Variants in SPOCK3 observed in about 807,000 individuals in gnomAD.
SPOCK3 encodes the protein testican-3.
In SPOCK3, 30 loss-of-function variants were observed where a neutral mutation model predicts 56.6. The ratio of observed to expected loss-of-function variants is 0.53; its 90% confidence interval spans 0.40 to 0.72. The LOEUF (loss-of-function observed/expected upper bound fraction) is 0.72, where lower values mean the gene tolerates loss of function less well. Among genes scored for constraint, SPOCK3 ranks in the 30% least tolerant of loss-of-function variants. The probability of loss-of-function intolerance (pLI) is 0.00; values close to 1 mark genes in which losing one functional copy is unlikely to be tolerated. For missense variants in SPOCK3, 527 were observed against 530.0 expected (o/e 0.99, Z 0.06); for synonymous variants, 196 against 183.3 (o/e 1.07, Z -0.56).
rs559989398 is a variant in SPOCK3 at position 166,889,337 on chromosome 4, C to T, written c.475-93G>A. ...TTAGAAAGAAAGGTAATTTTTGATG[C>T]ATATAATTTGGAGATTTTTCCACCA... On this transcript the variant is annotated intron_variant, in intron 5 of 10. Transcript: ENST00000357545. 7.1e-5 allele frequency: 54 copies of T among 765,190 alleles called. 2 individuals carry two copies. The South Asian group carries it at 7.1e-4, about 10-fold the overall frequency. 47.4% of individuals were successfully genotyped at this position (765,190 alleles called of 1,614,324 possible).
chr4:166,744,625 G>A (rs563361209), intron 8 of SPOCK3, among the ~76,000 whole-genome samples: 37 of 152,278 alleles, frequency 2.4e-4, no homozygotes, highest in Admixed American at 9.2e-4. Flanking sequence ...AAAGCTGGAT[G>A]GAGAATGACT....
chr4:167,080,246 T>A (rs1757586824), intron 2 of SPOCK3, among the ~76,000 whole-genome samples: 1 of 152,080 alleles, frequency 6.6e-6, no homozygotes, highest in South Asian at 2.1e-4. Context: ...TTGTCTGACT[T>A]ATGTTCTGTT....
At chr4:167,226,911 G>T (rs1178355394) in intron 2 of SPOCK3, among the ~76,000 whole-genome samples, 2 of 152,026 alleles carry the variant, frequency 1.3e-5, no homozygotes, top group Non-Finnish European at 2.9e-5. Flanking sequence ...CTTTCTGCAG[G>T]AACTTAACCT....
intron 7 of SPOCK3, among the ~76,000 whole-genome samples, chr4:166,773,643 C>T (rs1739207176): frequency 6.6e-6 from 1 of 152,112 alleles, no homozygotes; most frequent in Admixed American, 6.6e-5. Flanking sequence ...TTGGTATTCT[C>T]AGTGTTCACT....
intron 2 of SPOCK3, among the ~76,000 whole-genome samples, chr4:167,073,496 C>T (rs192438569): frequency 0.012 from 1,798 of 151,590 alleles, 23 homozygotes; most frequent in Non-Finnish European, 0.019. Flanking sequence ...TGCTTTTTTT[C>T]CCCTCTAGTA....
intron 2 of SPOCK3, among the ~76,000 whole-genome samples, chr4:167,107,042 C>A (rs1275077213): frequency 1.3e-5 from 2 of 151,800 alleles, no homozygotes; most frequent in Non-Finnish European, 2.9e-5. Context: ...ATGCCCAGGA[C>A]CCACTGGCTT....
intron 4 of SPOCK3, among the ~76,000 whole-genome samples, chr4:166,969,245 G>T (rs577665308): frequency 4.5e-4 from 69 of 152,334 alleles, no homozygotes; most frequent in Non-Finnish European, 4.1e-4. Flanking sequence ...GCTGGAATGA[G>T]TTACGACTTT....
intron 4 of SPOCK3, among the ~76,000 whole-genome samples, chr4:166,968,792 G>A (rs1021271759): frequency 7.9e-5 from 12 of 152,190 alleles, no homozygotes; most frequent in Non-Finnish European, 1.6e-4. Context: ...CCTAGCGGAC[G>A]TATGAGAACT....
At chr4:167,202,758 T>TAAA (rs531063599) in intron 2 of SPOCK3, among the ~76,000 whole-genome samples, 1 of 144,912 alleles carries the variant, frequency 6.9e-6, no homozygotes, top group African/African-American at 2.5e-5. Context: ...GTGTATTCAA[T>TAAA]AAAAAAAAAA....
intron 2 of SPOCK3, among the ~76,000 whole-genome samples, chr4:167,095,200 C>T (rs1759045715): frequency 6.6e-6 from 1 of 151,988 alleles, no homozygotes; most frequent in Admixed American, 6.6e-5. Context: ...TAATGATTAA[C>T]CAAATATCTG....
At chr4:167,203,648 A>G (rs7672843) in intron 2 of SPOCK3, among the ~76,000 whole-genome samples, 43,843 of 151,780 alleles carry the variant, frequency 0.29, 7,456 homozygotes, top group African/African-American at 0.48. Context: ...TAATGCCTTG[A>G]AGCTACAACA....
intron 2 of SPOCK3, among the ~76,000 whole-genome samples, chr4:167,093,451 T>C (rs1219869720): frequency 6.6e-6 from 1 of 151,936 alleles, no homozygotes; most frequent in Non-Finnish European, 1.5e-5. Flanking sequence ...TAACCCCCCA[T>C]CCCCTGACAG....
At chr4:166,839,095 A>G (rs1421620347) in intron 6 of SPOCK3, among the ~76,000 whole-genome samples, 1 of 152,096 alleles carries the variant, frequency 6.6e-6, no homozygotes, top group Non-Finnish European at 1.5e-5. Flanking sequence ...TGAAACCTAG[A>G]CATTTGGGGT....
intron 2 of SPOCK3, among the ~76,000 whole-genome samples, chr4:167,169,358 G>A (rs1003440659): frequency 2.0e-4 from 31 of 152,212 alleles, no homozygotes; most frequent in African/African-American, 7.5e-4. Flanking sequence ...GGATGGAGCT[G>A]TCCAAGTCTG....
chr4:167,179,992 A>G (rs1731308752), intron 2 of SPOCK3, among the ~76,000 whole-genome samples: 1 of 152,198 alleles, frequency 6.6e-6, no homozygotes, highest in Non-Finnish European at 1.5e-5. Flanking sequence ...CAAAGAAGTT[A>G]TACTGCAAGA....
intron 2 of SPOCK3, among the ~76,000 whole-genome samples, chr4:167,215,205 C>G (rs926853761): frequency 6.6e-6 from 1 of 151,870 alleles, no homozygotes. Flanking sequence ...ATAATATTAA[C>G]CTGGGTTGGG....
In SPOCK3 at chr4:167,041,560, C is replaced by T. The variant is rs765307809; in HGVS notation, c.235+20932G>A. ...ATTAGCAACAATCCTACTCCCCCTACAAATTTTGAAAGATTTTTCTTGTGA... is the reference window on the plus strand; with the variant it reads ...ATTAGCAACAATCCTACTCCCCCTATAAATTTTGAAAGATTTTTCTTGTGA... On this transcript the variant is annotated intron_variant, in intron 3 of 10. Transcript: ENST00000357545. Among the ~76,000 whole-genome samples the T allele has an allele frequency of 2.0e-5, 3 of 152,178 alleles. No individual in the cohort carries two copies. The Middle Eastern group carries it at 0.01, about 521-fold the overall frequency.
At chr4:167,075,060 G>A (rs571701885) in intron 2 of SPOCK3, among the ~76,000 whole-genome samples, 82 of 151,760 alleles carry the variant, frequency 5.4e-4, no homozygotes, top group African/African-American at 1.8e-3. Flanking sequence ...AACTAAAGTC[G>A]CCCTACTGTG....
intron 2 of SPOCK3, among the ~76,000 whole-genome samples, chr4:167,167,868 C>T (rs140605723): frequency 5.2e-4 from 79 of 152,198 alleles, no homozygotes; most frequent in African/African-American, 1.5e-3. Context: ...TGACCCCACC[C>T]AAATCTCAGC....
Sources: gnomAD v4.1 joint callset for allele counts (sites outside exome capture counted in the v4.1 genomes callset) on GRCh38, gnomAD v4.1.1 for gene constraint, MANE v1.5 for transcripts, NCBI Gene and HGNC (gene_info 2026-07-23, HGNC 2026-07-21) for gene names.